DAB2IP: variants seen among roughly 807,000 people sequenced by gnomAD.
DAB2IP encodes DAB2 interacting protein.
A neutral mutation model predicts 107.2 loss-of-function variants in DAB2IP; 28 were observed. That is an observed-to-expected ratio of 0.26 (90% CI 0.19 to 0.36). The LOEUF is 0.36. Ranked by LOEUF, DAB2IP falls within the 10% of genes least tolerant of loss-of-function variation. DAB2IP has a pLI of 1.00. For synonymous variants in DAB2IP, 755 were observed against 706.4 expected (o/e 1.07, Z -1.09); for missense variants, 1,400 against 1,644.7 (o/e 0.85, Z 2.57).
intron 3 of DAB2IP, among the ~76,000 whole-genome samples, chr9:121,717,811 C>T (rs1372697880): frequency 6.6e-6 from 1 of 152,198 alleles, no homozygotes; most frequent in Non-Finnish European, 1.5e-5. Context: ...TCCTGCTGTT[C>T]CTGGTCCAGG....
chr9:121,613,496 T>A (rs1364432567), intron 1 of DAB2IP, among the ~76,000 whole-genome samples: 1 of 152,202 alleles, frequency 6.6e-6, no homozygotes, highest in Non-Finnish European at 1.5e-5. Context: ...GGTGCCTTTT[T>A]TTTACTGTGA....
At chr9:121,781,603 A>T in intron 15 of DAB2IP, 52 bp downstream of exon 15, 1 of 1,572,894 alleles carries the variant, frequency 6.4e-7, no homozygotes, top group Non-Finnish European at 8.7e-7. Flanking sequence ...GCCTGGGATT[A>T]GGAGGGGTGA....
At chr9:121,592,093 G>A (rs940870070) in intron 1 of DAB2IP, among the ~76,000 whole-genome samples, 1 of 152,076 alleles carries the variant, frequency 6.6e-6, no homozygotes, top group Non-Finnish European at 1.5e-5. Context: ...CTGGCCAGGC[G>A]CCAGTGGCTC....
At chr9:121,785,414 C>CT (rs1835939231) in exon 16 of DAB2IP, 1 of 152,668 alleles carries the variant, frequency 6.6e-6, no homozygotes, top group African/African-American at 2.4e-5. Flanking sequence ...CCAGCTGCGA[C>CT]TTTTAACTAT....
At chr9:121,586,343 CTA>C (rs1339961206) in intron 1 of DAB2IP, among the ~76,000 whole-genome samples, 3 of 152,210 alleles carry the variant, frequency 2.0e-5, no homozygotes, top group African/African-American at 7.2e-5. Context: ...AATCACTTCT[CTA>C]TAGCGTTGCA....
In DAB2IP at chr9:121,736,358, G is replaced by A. The variant is rs1157350314; in HGVS notation, c.363-20655G>A. 6.6e-6 allele frequency among the ~76,000 whole-genome samples: 1 copy of A among 152,222 alleles called. No individual in the cohort carries two copies. Among genetic ancestry groups the A allele is most frequent in the Non-Finnish European group, 1.5e-5 (1 of 68,044 alleles). Reference sequence around the variant, plus strand: ...CGGTGGGGACCCAGACTCGCACGAAGGTGGGGAAGGAGTTGCAAGGCAGAG... The same window carrying A: ...CGGTGGGGACCCAGACTCGCACGAAAGTGGGGAAGGAGTTGCAAGGCAGAG... On this transcript the variant is annotated intron_variant, in intron 3 of 15. Coordinates refer to ENST00000408936, the Ensembl canonical transcript of DAB2IP. The surrounding 1 kb of genome is among the most constrained non-coding windows in gnomAD (Gnocchi z 4.6).
Position 121,651,897 on chromosome 9 carries a change from G to C in DAB2IP, c.122G>C (p.Arg41Thr). 1 of 1,398,918 alleles carries C rather than the reference G, an allele frequency of 7.1e-7. No homozygotes were observed. Among genetic ancestry groups the C allele is most frequent in the South Asian group, 1.6e-5 (1 of 64,430 alleles). The allele number at this position is 1,398,918 out of a possible 1,614,324, so 86.7% of individuals were successfully genotyped here. A position where few individuals can be genotyped will look rare whatever the true frequency, so the allele number is the denominator to read the frequency against. The change falls in exon 1 of 16, where the codon AGG becomes ACG. Residue 41 changes from arginine (R) to threonine (T), a missense_variant and splice_region_variant. Physicochemically the swap from Arg to Thr is moderately conservative, Grantham distance 71 (BLOSUM62 -1). This residue lies in a region of DAB2IP where 283 missense variants were observed against 237.0 expected (regional missense o/e 1.19). Transcript: ENST00000408936. This position sits in a 1 kb window ranked among gnomAD's most constrained non-coding sequence, Gnocchi z 5.1. ...TCCCGCAGCCGGACCCGGCCTGCCAGGGGTAGGCGCCACCCCGACCCCTGA... is the reference window on the plus strand; with the variant it reads ...TCCCGCAGCCGGACCCGGCCTGCCACGGGTAGGCGCCACCCCGACCCCTGA...
In DAB2IP at chr9:121,699,681, G is replaced by A. The variant is rs1829661258; in HGVS notation, c.362+223G>A. On this transcript the variant is annotated intron_variant, in intron 3 of 15. Coordinates refer to ENST00000408936, the Ensembl canonical transcript of DAB2IP. This position sits in a 1 kb window ranked among gnomAD's most constrained non-coding sequence, Gnocchi z 6.2. ...GGTTAGGTGAGTAGAAGAGAGGAGA[G>A]CAGAGGGTGCCCGCGGCGGCCCGGG... Among the ~76,000 whole-genome samples, 1 of 152,068 alleles carries A rather than the reference G, an allele frequency of 6.6e-6. No homozygotes were observed. Among genetic ancestry groups the A allele is most frequent in the African/African-American group, 2.4e-5 (1 of 41,442 alleles).
chr9:121,647,646 C>T (rs1832582518), upstream of DAB2IP, among the ~76,000 whole-genome samples: 2 of 152,166 alleles, frequency 1.3e-5, no homozygotes, highest in South Asian at 4.1e-4. Context: ...ATTATTCAAA[C>T]TGACTAGTGG....
chr9:121,643,543 A>G (rs1228765353), intron 1 of DAB2IP, among the ~76,000 whole-genome samples: 1 of 151,538 alleles, frequency 6.6e-6, no homozygotes, highest in Non-Finnish European at 1.5e-5. Flanking sequence ...CATCCTACCC[A>G]CTGTCTCCAG....
At position 121,698,821 on chromosome 9, in the gene DAB2IP, G is replaced by C. The variant is rs1829568919; in HGVS notation, c.229-504G>C. Among the ~76,000 whole-genome samples the C allele has an allele frequency of 6.6e-6, 1 of 152,190 alleles. No individual in the cohort carries two copies. The highest frequency in any genetic ancestry group is 2.4e-5 in the African/African-American group (1 of 41,452). On this transcript the variant is annotated intron_variant, in intron 2 of 15. Transcript: ENST00000408936. The surrounding 1 kb of genome is among the most constrained non-coding windows in gnomAD (Gnocchi z 4.1). Reference sequence around the variant, plus strand: ...CAGCGACCTCGCAGCGGAGGAAGGCGCTTTGTCAATCCCCGACGGGGTGGG... The same window carrying C: ...CAGCGACCTCGCAGCGGAGGAAGGCCCTTTGTCAATCCCCGACGGGGTGGG...
chr9:121,776,477 T>G lies in DAB2IP; in HGVS notation c.3314+86T>G, dbSNP rs1835208884. 9 of 1,362,272 alleles carry G rather than the reference T, an allele frequency of 6.6e-6. No homozygotes were observed. Among genetic ancestry groups the G allele is most frequent in the Admixed American group, 2.9e-5 (1 of 35,034 alleles). The allele number at this position is 1,362,272 out of a possible 1,614,324, so 84.4% of individuals were successfully genotyped here. Reference sequence around the variant, plus strand: ...CGAGGAGGCCCCTGGTCGGGGAGCCTCCTCAAAGGATAAGCTGAATGTGGA... The same window carrying G: ...CGAGGAGGCCCCTGGTCGGGGAGCCGCCTCAAAGGATAAGCTGAATGTGGA... On this transcript the variant is annotated intron_variant, in intron 14 of 15. Transcript: ENST00000408936. The surrounding 1 kb of genome is among the most constrained non-coding windows in gnomAD (Gnocchi z 5.4).
chr9:121,674,868 G>T (rs1469708739), intron 1 of DAB2IP, among the ~76,000 whole-genome samples: 1 of 151,602 alleles, frequency 6.6e-6, no homozygotes, highest in African/African-American at 2.4e-5. Flanking sequence ...TAAAGCTGTG[G>T]CCAGGGTGGT....
At chr9:121,778,079 C>G (rs1457040485) in intron 14 of DAB2IP, among the ~76,000 whole-genome samples, 3 of 152,190 alleles carry the variant, frequency 2.0e-5, no homozygotes, top group Admixed American at 1.3e-4. Context: ...ATGTATTGCC[C>G]TCAGTTCTGA....
chr9:121,763,245 T>C (rs936540946), intron 6 of DAB2IP, among the ~76,000 whole-genome samples: 1 of 150,496 alleles, frequency 6.6e-6, no homozygotes, highest in Non-Finnish European at 1.5e-5. Flanking sequence ...CGTGGCATGC[T>C]CTCATTCAGG....
intron 2 of DAB2IP, among the ~76,000 whole-genome samples, chr9:121,683,376 C>T (rs1251221206): frequency 6.6e-6 from 1 of 152,184 alleles, no homozygotes; most frequent in African/African-American, 2.4e-5. Flanking sequence ...CTTCCTCCCT[C>T]CCTCCTTCCT....
At chr9:121,625,532 G>C (rs758708491) in intron 1 of DAB2IP, among the ~76,000 whole-genome samples, 1 of 152,200 alleles carries the variant, frequency 6.6e-6, no homozygotes, top group Non-Finnish European at 1.5e-5. Context: ...AGAGTGCTGG[G>C]ATTATAGGCG....
At chr9:121,680,603 G>A (rs1828534186) in intron 2 of DAB2IP, among the ~76,000 whole-genome samples, 1 of 152,150 alleles carries the variant, frequency 6.6e-6, no homozygotes, top group Non-Finnish European at 1.5e-5. Flanking sequence ...GGCCACAGCA[G>A]GCAGGGTGGG....
chr9:121,656,069 C>T lies in DAB2IP; in HGVS notation c.124+4170C>T, dbSNP rs568902224. On this transcript the variant is annotated intron_variant, in intron 1 of 15. Transcript: ENST00000408936. ...TGTTACCCAGGCTGGAGTGCAATGG[C>T]GCGATCTCAGCTCACCGCAACCTCT... Among the ~76,000 whole-genome samples the T allele has an allele frequency of 7.3e-5, 11 of 150,980 alleles. No individual in the cohort carries two copies. The South Asian group carries it at 2.1e-3, about 29-fold the overall frequency.
Sources: allele counts gnomAD v4.1 joint callset (sites outside exome capture counted in the v4.1 genomes callset), GRCh38; gene constraint gnomAD v4.1.1; regional missense constraint gnomAD v4.1.1; non-coding constraint Gnocchi (gnomAD v3.1); transcripts MANE v1.5; gene names NCBI Gene and HGNC (gene_info 2026-07-23, HGNC 2026-07-21).